The following NR6A1 variants were observed in gnomAD, a reference collection of about 807,000 sequenced individuals.
NR6A1 encodes nuclear receptor subfamily 6 group A member 1, also known as retinoic acid receptor-related testis-associated receptor.
NR6A1 carries 7 observed loss-of-function variants against 59.1 expected under a neutral mutation model. The observed-to-expected ratio is 0.12, with a 90% CI of 0.07 to 0.22. The LOEUF is 0.22. Ranked by LOEUF, NR6A1 falls within the 10% of genes least tolerant of loss-of-function variation. The probability of loss-of-function intolerance (pLI) is 1.00; values close to 1 mark genes in which losing one functional copy is unlikely to be tolerated. For missense variants in NR6A1, 468 were observed against 611.6 expected, an observed-to-expected ratio of 0.77 and a Z score of 2.48; for synonymous variants, 243 against 236.1, an observed-to-expected ratio of 1.03 and a Z score of -0.27.
intron 2 of NR6A1, among the ~76,000 whole-genome samples, chr9:124,583,243 T>C (rs543403737): frequency 1.3e-5 from 2 of 149,786 alleles, no homozygotes; most frequent in South Asian, 4.4e-4. Context: ...TTTCCATTCA[T>C]TAAGAAAATA....
intron 2 of NR6A1, among the ~76,000 whole-genome samples, chr9:124,639,014 C>G (rs1446430370): frequency 2.0e-5 from 3 of 152,160 alleles, no homozygotes; most frequent in Non-Finnish European, 4.4e-5. Flanking sequence ...GCAGAAAGTG[C>G]TAGAAGAGTA....
At chr9:124,730,255 G>A (rs1370234900) in intron 2 of NR6A1, among the ~76,000 whole-genome samples, 1 of 151,910 alleles carries the variant, frequency 6.6e-6, no homozygotes, top group Non-Finnish European at 1.5e-5. Flanking sequence ...TTTGAGACAG[G>A]GTCTTGCTCT....
Position 124,522,559 on chromosome 9 carries a change from A to C in NR6A1, c.*146T>G. Reference sequence around the variant, plus strand: ...GAAAAATGAGGTTAAAAAAACAGACAAACAAACAAAAACTCTTCTTGCTAT... The same window carrying C: ...GAAAAATGAGGTTAAAAAAACAGACCAACAAACAAAAACTCTTCTTGCTAT... On this transcript the variant is annotated 3_prime_UTR_variant, in exon 10 of 10. Transcript: ENST00000487099. 3 of 540,456 alleles carry C rather than the reference A, an allele frequency of 5.6e-6. No individual in the cohort carries two copies. Among genetic ancestry groups the C allele is most frequent in the Non-Finnish European group, 9.8e-6 (3 of 304,584 alleles). 33.5% of individuals were successfully genotyped at this position (540,456 alleles called of 1,614,324 possible). A position where few individuals can be genotyped will look rare whatever the true frequency, so the allele number is the denominator to read the frequency against.
At chr9:124,755,519 C>T (rs1840608796) in intron 1 of NR6A1, among the ~76,000 whole-genome samples, 1 of 152,180 alleles carries the variant, frequency 6.6e-6, no homozygotes, top group Admixed American at 6.5e-5. Context: ...CTGGACTCTT[C>T]AGGGATTTAT....
intron 7 of NR6A1, among the ~76,000 whole-genome samples, chr9:124,529,779 A>C (rs1318325980): frequency 6.6e-6 from 1 of 152,164 alleles, no homozygotes; most frequent in East Asian, 1.9e-4. Context: ...CCAGGATGCT[A>C]AGACTTGCAG....
chr9:124,674,916 A>G (rs941248021), intron 2 of NR6A1, among the ~76,000 whole-genome samples: 3 of 152,220 alleles, frequency 2.0e-5, no homozygotes, highest in Non-Finnish European at 2.9e-5. Context: ...GATAGAGGAA[A>G]ATGATTTTTC....
At chr9:124,542,206 C>CTA (rs776276139) in intron 4 of NR6A1, among the ~76,000 whole-genome samples, 19 of 152,126 alleles carry the variant, frequency 1.2e-4, no homozygotes, top group Non-Finnish European at 2.1e-4. Context: ...AAAAGAGCAG[C>CTA]TATTAGTCCA....
At chr9:124,643,774 A>G (rs935149106) in intron 2 of NR6A1, among the ~76,000 whole-genome samples, 7 of 147,538 alleles carry the variant, frequency 4.7e-5, no homozygotes, top group Non-Finnish European at 8.9e-5. Flanking sequence ...AAAAAAAAAA[A>G]AGAGAGAGAG....
chr9:124,698,324 A>AATCT (rs1390640137), intron 2 of NR6A1: 7 of 152,246 alleles, frequency 4.6e-5, no homozygotes, highest in Non-Finnish European at 1.5e-5. Context: ...TTAGATGCAG[A>AATCT]ATCTACCTAC....
chr9:124,708,564 G>A lies in NR6A1; in HGVS notation c.142+24744C>T, dbSNP rs143743850. Among the ~76,000 whole-genome samples the A allele has an allele frequency of 1.7e-3, 260 of 152,096 alleles. 1 individual carries two copies. The East Asian group carries it at 0.02, about 12-fold the overall frequency. ...TCACTTAGGAGGGAAAACTTCCAGA[G>A]GAAGGCAGAGGTATAAACTCATCTT... On this transcript the variant is annotated intron_variant, in intron 2 of 9. Transcript: ENST00000487099.
chr9:124,548,779 G>A (rs906114945), intron 3 of NR6A1, among the ~76,000 whole-genome samples: 8 of 152,272 alleles, frequency 5.3e-5, no homozygotes, highest in Non-Finnish European at 1.2e-4. Context: ...TAGTTAGCAA[G>A]TTATGAGACC....
chr9:124,711,433 TAAA>T (rs1053792246), intron 2 of NR6A1, among the ~76,000 whole-genome samples: 1 of 141,748 alleles, frequency 7.1e-6, no homozygotes. Context: ...TATTTCCATT[TAAA>T]AAAAAAAAAA....
chr9:124,547,553 C>T (rs1833635292), intron 3 of NR6A1, among the ~76,000 whole-genome samples: 1 of 152,168 alleles, frequency 6.6e-6, no homozygotes, highest in South Asian at 2.1e-4. Context: ...GCAACATCAC[C>T]TTCCCTAAGT....
intron 2 of NR6A1, among the ~76,000 whole-genome samples, chr9:124,633,089 A>G (rs1014226971): frequency 6.6e-6 from 1 of 152,158 alleles, no homozygotes; most frequent in African/African-American, 2.4e-5. Context: ...TCAAGGATGC[A>G]GTGCCCCTAA....
chr9:124,618,905 G>A (rs1237622216), intron 2 of NR6A1, among the ~76,000 whole-genome samples: 2 of 152,178 alleles, frequency 1.3e-5, no homozygotes, highest in Non-Finnish European at 2.9e-5. Context: ...GAGAGTAGGG[G>A]TGGGAGCAGT....
intron 2 of NR6A1, among the ~76,000 whole-genome samples, chr9:124,675,890 A>G (rs1035596429): frequency 3.3e-5 from 5 of 152,184 alleles, no homozygotes; most frequent in Non-Finnish European, 7.3e-5. Context: ...GAGGCTAGGA[A>G]AAAGTACGCT....
At chr9:124,748,843 C>T (rs1194093043) in intron 1 of NR6A1, among the ~76,000 whole-genome samples, 3 of 144,634 alleles carry the variant, frequency 2.1e-5, no homozygotes, top group African/African-American at 5.2e-5. Context: ...CTAGCCTGGG[C>T]GACAGAGCGA....
intron 1 of NR6A1, 64 bp downstream of exon 1, chr9:124,770,956 T>C: frequency 1.1e-6 from 1 of 923,954 alleles, no homozygotes. Flanking sequence ...AGGAGGGGGA[T>C]CCCTGGCGGA....
At chr9:124,621,156 G>A (rs560088732) in intron 2 of NR6A1, among the ~76,000 whole-genome samples, 18 of 152,278 alleles carry the variant, frequency 1.2e-4, no homozygotes, top group African/African-American at 3.9e-4. Context: ...GGCTTTGCCT[G>A]CAAAGTATAC....
Sources: allele counts gnomAD v4.1 joint callset (sites outside exome capture counted in the v4.1 genomes callset), GRCh38; gene constraint gnomAD v4.1.1; transcripts MANE v1.5; gene names NCBI Gene and HGNC (gene_info 2026-07-23, HGNC 2026-07-21).